Variants in CYFIP2 observed in about 807,000 individuals in gnomAD.
CYFIP2 encodes cytoplasmic FMR1-interacting protein 2.
CYFIP2 carries 29 observed loss-of-function variants against 158.7 expected under a neutral mutation model. The observed-to-expected ratio is 0.18, with a 90% CI of 0.14 to 0.25. CYFIP2 has a LOEUF of 0.25. Ranked by LOEUF, CYFIP2 falls within the 10% of genes least tolerant of loss-of-function variation. The pLI, the probability that CYFIP2 is intolerant of heterozygous loss-of-function variation, is 1.00. For synonymous variants in CYFIP2, 585 were observed against 617.6 expected, an observed-to-expected ratio of 0.95 and a Z score of 0.78; for missense variants, 852 against 1,639.5, an observed-to-expected ratio of 0.52 and a Z score of 8.29.
chr5:157,380,811 G>T (rs571425569), intron 26 of CYFIP2, among the ~76,000 whole-genome samples: 4 of 152,326 alleles, frequency 2.6e-5, no homozygotes, highest in Admixed American at 2.0e-4. Context: ...TGATCAGTAA[G>T]CAAAGTTTTC....
At chr5:157,300,424 A>G (rs1451870502) in intron 5 of CYFIP2, among the ~76,000 whole-genome samples, 1 of 151,742 alleles carries the variant, frequency 6.6e-6, no homozygotes, top group East Asian at 1.9e-4. Context: ...AATCCCAGCT[A>G]CTCGGGAGGC....
rs1454051457 is a variant in CYFIP2 at position 157,266,338 on chromosome 5, A to T, written c.-24+143A>T. On this transcript the variant is annotated intron_variant, in intron 1 of 30. Transcript: ENST00000620254. This position sits in a 1 kb window ranked among gnomAD's most constrained non-coding sequence, Gnocchi z 4.2. ...TCGGCGCTGTGCCCGGGCTAGCCCG[A>T]GGCCCGGCCTCAGGCCCCACGCGGC... The T allele has an allele frequency of 6.6e-6, 1 of 151,264 alleles. No homozygotes were observed. Among genetic ancestry groups the T allele is most frequent in the Non-Finnish European group, 1.5e-5 (1 of 67,760 alleles). 9.4% of individuals were successfully genotyped at this position (151,264 alleles called of 1,614,324 possible). A position where few individuals can be genotyped will look rare whatever the true frequency, so the allele number is the denominator to read the frequency against.
rs763672310 is a variant in CYFIP2 at position 157,343,240 on chromosome 5, C to A, written c.2673+2083C>A. The A allele has an allele frequency of 3.7e-6, 6 of 1,614,150 alleles. No individual in the cohort carries two copies. The Admixed American group carries it at 5.0e-5, about 13-fold the overall frequency. On this transcript the variant is annotated intron_variant, in intron 23 of 30. Coordinates refer to ENST00000620254, the MANE Select transcript of CYFIP2 (RefSeq NM_001037333.3). ...CTACCAGGGAGCTTCCAGGAGCCAG[C>A]GGACTCTTATCCAGGGTGTGGAACA...
At chr5:157,344,430 C>T (rs1239865928) in intron 23 of CYFIP2, among the ~76,000 whole-genome samples, 3 of 152,240 alleles carry the variant, frequency 2.0e-5, no homozygotes, top group East Asian at 1.9e-4. Context: ...GACTTAGTGC[C>T]GCCTAACCAC....
Position 157,361,359 on chromosome 5 carries a change from C to A in CYFIP2, c.2909-109C>A. ...CAGGTAAGAGGGATGCGTGGTTTGG[C>A]TTTTTGCTATCCCAGAGTCAGGTCT... is the stretch of plus-strand genomic sequence containing the variant. On this transcript the variant is annotated intron_variant, in intron 25 of 30. Transcript: ENST00000620254. The surrounding 1 kb of genome is among the most constrained non-coding windows in gnomAD (Gnocchi z 4.4). The A allele has an allele frequency of 6.8e-7, 1 of 1,472,066 alleles. No individual in the cohort carries two copies. The highest frequency in any genetic ancestry group is 9.3e-7 in the Non-Finnish European group (1 of 1,074,628). The allele number at this position is 1,472,066 out of a possible 1,614,324, so 91.2% of individuals were successfully genotyped here. A position where few individuals can be genotyped will look rare whatever the true frequency, so the allele number is the denominator to read the frequency against.
intron 29 of CYFIP2, 167 bp downstream of exon 29, chr5:157,389,594 A>C: frequency 3.2e-6 from 2 of 630,024 alleles, no homozygotes; most frequent in Non-Finnish European, 5.4e-6. Context: ...GAAAGAGCCC[A>C]GTAAGGGTTT....
At chr5:157,377,584 T>G (rs1765610111) in intron 26 of CYFIP2, among the ~76,000 whole-genome samples, 1 of 152,138 alleles carries the variant, frequency 6.6e-6, no homozygotes, top group African/African-American at 2.4e-5. Flanking sequence ...TTGGTAAGGG[T>G]TGTGCATCTG....
In CYFIP2 at chr5:157,394,771, G is replaced by C. The variant is rs1767617489; in HGVS notation, c.*1771G>C. On this transcript the variant is annotated 3_prime_UTR_variant, in exon 31 of 31. Transcript: ENST00000620254. Reference sequence around the variant, plus strand: ...GAAGAGAGAAGGGAGGAGGTTCCAAGTAGTAACTGGCAGATCCTCCTGTCT... The same window carrying C: ...GAAGAGAGAAGGGAGGAGGTTCCAACTAGTAACTGGCAGATCCTCCTGTCT... The C allele has an allele frequency of 6.6e-6, 1 of 152,270 alleles. No homozygotes were observed. Among genetic ancestry groups the C allele is most frequent in the Non-Finnish European group, 1.5e-5 (1 of 68,068 alleles). The allele number at this position is 152,270 out of a possible 1,614,324, so 9.4% of individuals were successfully genotyped here. A position where few individuals can be genotyped will look rare whatever the true frequency, so the allele number is the denominator to read the frequency against.
intron 6 of CYFIP2, among the ~76,000 whole-genome samples, chr5:157,302,525 C>T (rs540217092): frequency 6.6e-6 from 1 of 152,218 alleles, no homozygotes; most frequent in South Asian, 2.1e-4. Flanking sequence ...ATGCTAGTTC[C>T]CCTTAAACTT....
chr5:157,329,363 C>T (rs1347908667), intron 19 of CYFIP2, among the ~76,000 whole-genome samples: 3 of 152,180 alleles, frequency 2.0e-5, no homozygotes, highest in Non-Finnish European at 2.9e-5. Context: ...CAGACTCAGG[C>T]GTGTCGAACC....
intron 26 of CYFIP2, among the ~76,000 whole-genome samples, chr5:157,374,511 G>C (rs1437590496): frequency 6.6e-6 from 1 of 152,046 alleles, no homozygotes; most frequent in Non-Finnish European, 1.5e-5. Context: ...TGACAAGATG[G>C]TATCATTGTC....
intron 11 of CYFIP2, among the ~76,000 whole-genome samples, chr5:157,312,316 T>C (rs1224288068): frequency 2.0e-5 from 3 of 151,902 alleles, no homozygotes; most frequent in Non-Finnish European, 2.9e-5. Context: ...TAATTTTTCC[T>C]TTTTTAAAAA....
chr5:157,368,333 G>T (rs796346544), intron 26 of CYFIP2, among the ~76,000 whole-genome samples: 1 of 152,094 alleles, frequency 6.6e-6, no homozygotes, highest in South Asian at 2.1e-4. Context: ...CAAATGCATG[G>T]AAAGTCAAAA....
chr5:157,324,244 A>G (rs1161219459), intron 16 of CYFIP2, among the ~76,000 whole-genome samples, 170 bp downstream of exon 16: 2 of 152,242 alleles, frequency 1.3e-5, no homozygotes, highest in African/African-American at 2.4e-5. Context: ...TTTTGGAGCT[A>G]GGAAAGGCCA....
chr5:157,358,893 C>A, intron 23 of CYFIP2, 112 bp from the exon 24 acceptor site: 2 of 1,376,002 alleles, frequency 1.5e-6, no homozygotes, highest in Non-Finnish European at 2.0e-6. Flanking sequence ...CTCCAGTGAG[C>A]ACGCTCGTAA....
intron 1 of CYFIP2, among the ~76,000 whole-genome samples, chr5:157,272,988 TC>T (rs1756233883): frequency 1.3e-5 from 2 of 152,160 alleles, no homozygotes; most frequent in Non-Finnish European, 2.9e-5. Context: ...TGCCTCAGCC[TC>T]CCGAGTAGCT....
intron 7 of CYFIP2, among the ~76,000 whole-genome samples, chr5:157,303,372 A>T (rs1287474867): frequency 6.6e-6 from 1 of 152,248 alleles, no homozygotes; most frequent in Non-Finnish European, 1.5e-5. Context: ...TTCAGGGCCT[A>T]GGAAGACATA....
chr5:157,367,307 C>A (rs1243446142), intron 26 of CYFIP2, among the ~76,000 whole-genome samples: 2 of 152,118 alleles, frequency 1.3e-5, no homozygotes, highest in Admixed American at 6.5e-5. Flanking sequence ...CCAGTAGTAC[C>A]CTTCATTGTG....
chr5:157,392,222 A>C (rs1047310333), intron 30 of CYFIP2, among the ~76,000 whole-genome samples: 1 of 152,014 alleles, frequency 6.6e-6, no homozygotes, highest in Non-Finnish European at 1.5e-5. Context: ...TGTCCCTTTG[A>C]TGCATGAAAG....
Sources: gnomAD v4.1 joint callset for allele counts (sites outside exome capture counted in the v4.1 genomes callset) on GRCh38, gnomAD v4.1.1 for gene constraint, Gnocchi (gnomAD v3.1) non-coding constraint, MANE v1.5 for transcripts, NCBI Gene and HGNC (gene_info 2026-07-23, HGNC 2026-07-21) for gene names.